ACSM3: variants seen among roughly 807,000 people sequenced by gnomAD.
ACSM3 encodes the protein acyl-coenzyme A synthetase ACSM3, mitochondrial.
ACSM3 carries 61 observed loss-of-function variants against 74.1 expected under a neutral mutation model. The ratio of observed to expected loss-of-function variants is 0.82; its 90% CI spans 0.67 to 1.02. The LOEUF (loss-of-function observed/expected upper bound fraction) is 1.02, where lower values mean the gene tolerates loss of function less well. Among genes scored for constraint, ACSM3 ranks in the 50% least tolerant of loss-of-function variants. The probability of loss-of-function intolerance (pLI) is 0.00; values close to 1 mark genes in which losing one functional copy is unlikely to be tolerated. For missense variants in ACSM3, 660 were observed against 697.0 expected, an observed-to-expected ratio of 0.95 and a Z score of 0.60; for synonymous variants, 213 against 241.5, an observed-to-expected ratio of 0.88 and a Z score of 1.09.
Position 20,770,186 on chromosome 16 carries a change from A to C in ACSM3, c.152A>C (p.Lys51Thr). Residue 51 changes from lysine to threonine, a missense_variant, in exon 2 of 14, where the codon AAA becomes ACA. By Grantham distance (78) the Lys-to-Thr change is moderately conservative. Coordinates refer to ENST00000289416, the MANE Select transcript of ACSM3 (RefSeq NM_005622.4). ...TATGAATCCATGAAACAGGACTTCA[A>C]ACTGGGGATTCCAGAGTATTTCAAC... ...SNYESMKQDF[K>T]LGIPEYFNFA... 6.2e-7 allele frequency: 1 copy of C among 1,614,224 alleles called. No individual in the cohort carries two copies. Among genetic ancestry groups the C allele is most frequent in the South Asian group, 1.1e-5 (1 of 91,088 alleles).
intron 4 of ACSM3, 127 bp from the exon 5 acceptor site, chr16:20,780,587 A>G (rs2152467644): frequency 6.3e-7 from 1 of 1,596,846 alleles, no homozygotes; most frequent in Non-Finnish European, 8.6e-7. Context: ...CTGTAATTCA[A>G]GCTAAGCCAC....
chr16:20,737,017 C>T, intron 1 of ACSM3: 1 of 1,614,132 alleles, frequency 6.2e-7, no homozygotes, highest in African/African-American at 1.3e-5. Context: ...TTCTCTGGTA[C>T]CTGCTGGTTA....
chr16:20,762,284 T>C (rs1259579126), upstream of ACSM3, among the ~76,000 whole-genome samples: 2 of 152,036 alleles, frequency 1.3e-5, no homozygotes, highest in South Asian at 2.1e-4. Context: ...AAAAAAACAC[T>C]GTTTTTTCCC....
intron 1 of ACSM3, among the ~76,000 whole-genome samples, chr16:20,701,617 C>T (rs1330561188): frequency 4.6e-5 from 7 of 152,150 alleles, no homozygotes; most frequent in Middle Eastern, 3.4e-3. Context: ...GGTGGTTTGC[C>T]GCACCTATCA....
chr16:20,737,580 TAAG>T (rs2079881488), intron 1 of ACSM3: 1 of 974,792 alleles, frequency 1.0e-6, no homozygotes, highest in Non-Finnish European at 1.4e-6. Flanking sequence ...AATACTATTT[TAAG>T]AACATTTTAA....
chr16:20,790,662 C>T lies in ACSM3; in HGVS notation c.1300C>T (p.Pro434Ser). ...DIGIQVLPNR[P>S]FGLFTHYVDN... ...TGGCATTCAAGTTCTACCCAACCGA[C>T]CATTTGGCCTTTTTACTCATTACGT... The change falls in exon 10 of 14, where the codon CCA becomes TCA. Residue 434 changes from proline (P) to serine (S), a missense_variant. By Grantham distance (74) the Pro-to-Ser change is moderately conservative (BLOSUM62 -1). Coordinates refer to ENST00000289416, the MANE Select transcript of ACSM3 (RefSeq NM_005622.4). This position sits in a 1 kb window ranked among gnomAD's most constrained non-coding sequence, Gnocchi z 4.0. 6.2e-7 allele frequency: 1 copy of T among 1,614,144 alleles called. No individual in the cohort carries two copies. The highest frequency in any genetic ancestry group is 8.5e-7 in the Non-Finnish European group (1 of 1,179,992).
intron 1 of ACSM3, among the ~76,000 whole-genome samples, chr16:20,723,441 T>C (rs1357028436): frequency 6.6e-6 from 1 of 152,210 alleles, no homozygotes; most frequent in South Asian, 2.1e-4. Flanking sequence ...TAGTTCTAGA[T>C]CCCTGAGGAA....
chr16:20,708,530 A>G (rs2079734146), intron 1 of ACSM3, among the ~76,000 whole-genome samples: 1 of 152,234 alleles, frequency 6.6e-6, no homozygotes, highest in African/African-American at 2.4e-5. Flanking sequence ...AATTCCATTT[A>G]TAAAACACTC....
In ACSM3 at chr16:20,784,952, C is replaced by T. The variant is rs761481939; in HGVS notation, c.1020-32C>T. On this transcript the variant is annotated intron_variant, in intron 7 of 13. Coordinates refer to ENST00000289416, the MANE Select transcript of ACSM3 (RefSeq NM_005622.4). ...ATCTTCACTTCTCTCCATTTTTCCT[C>T]CTAAATCTAACTTATCTGGTTTTCT... 3.8e-6 allele frequency: 6 copies of T among 1,589,406 alleles called. No individual in the cohort carries two copies. In the Admixed American group the frequency reaches 1.1e-4, roughly 30 times the overall value.
At chr16:20,729,195 C>T (rs16970587) in intron 1 of ACSM3, 105,140 of 730,862 alleles carry the variant, frequency 0.14, 8,141 homozygotes, top group Middle Eastern at 0.22. Context: ...CTGTTCTGAC[C>T]AAACTAATCC....
intron 9 of ACSM3, chr16:20,789,671 C>T: frequency 1.6e-6 from 1 of 627,712 alleles, no homozygotes; most frequent in Non-Finnish European, 2.8e-6. Context: ...TATTATAAAG[C>T]AACTCTATTT....
intron 1 of ACSM3, among the ~76,000 whole-genome samples, chr16:20,684,059 C>A (rs189302543): frequency 6.6e-6 from 1 of 152,066 alleles, no homozygotes; most frequent in Admixed American, 6.6e-5. Flanking sequence ...GAGTGCTGTA[C>A]ACATGATAAA....
At chr16:20,708,303 AAACAAC>A (rs869219405) in intron 1 of ACSM3, among the ~76,000 whole-genome samples, 1 of 151,966 alleles carries the variant, frequency 6.6e-6, no homozygotes, top group Non-Finnish European at 1.5e-5. Context: ...CCTGTCTCAA[AAACAAC>A]AACAACAACA....
chr16:20,691,379 G>A lies in ACSM3; in HGVS notation c.-190+16557G>A. ...TGGAAGGCACCCCTGATTGATTTTG[G>A]TGGGGATTTATCTTCCCAGCTGAGG... On this transcript the variant is annotated intron_variant, in intron 1 of 3. Transcript: ENST00000561584. 5.8e-6 allele frequency: 3 copies of A among 516,340 alleles called. No individual in the cohort carries two copies. The South Asian group carries it at 9.4e-5, about 16-fold the overall frequency. The allele number at this position is 516,340 out of a possible 1,614,324, so 32.0% of individuals were successfully genotyped here.
At chr16:20,756,114 A>G (rs1196096102) in intron 3 of ACSM3, among the ~76,000 whole-genome samples, 4 of 152,156 alleles carry the variant, frequency 2.6e-5, no homozygotes, top group Admixed American at 1.3e-4. Flanking sequence ...GTGTCTTTAT[A>G]GCAGCATGAT....
Position 20,780,717 on chromosome 16 carries a change from T to C in ACSM3, c.642T>C (p.His214=). 6.2e-7 allele frequency: 1 copy of C among 1,614,192 alleles called. No individual in the cohort carries two copies. Reference sequence around the variant, plus strand: ...CATTGTAGTTTTTCCTTTGCAGACATGCCAGTGACAGCCACACCTGTGTGA... The same window carrying C: ...CATTGTAGTTTTTCCTTTGCAGACACGCCAGTGACAGCCACACCTGTGTGA... ...GWGNLKELMK[H]ASDSHTCVKT... is the part of the protein sequence containing the mutation. Residue 214 remains histidine (H), a synonymous_variant, in exon 5 of 14, where the codon CAT becomes CAC. Transcript: ENST00000289416.
At chr16:20,748,140 AAAATAAAT>A (rs71149181) in intron 1 of ACSM3, among the ~76,000 whole-genome samples, 45 of 150,852 alleles carry the variant, frequency 3.0e-4, no homozygotes, top group African/African-American at 9.7e-4. Context: ...CATGTCTCAA[AAAATAAAT>A]AAATAAATAA....
intron 1 of ACSM3, chr16:20,729,113 A>G (rs1004538418): frequency 4.2e-6 from 2 of 477,138 alleles, no homozygotes; most frequent in African/African-American, 3.9e-5. Context: ...GTCTCAAAAT[A>G]TAAAATAAAT....
chr16:20,720,012 T>C (rs2079779804), intron 1 of ACSM3, among the ~76,000 whole-genome samples: 1 of 152,196 alleles, frequency 6.6e-6, no homozygotes, highest in Non-Finnish European at 1.5e-5. Flanking sequence ...TACATATTAT[T>C]ACATACAAAC....
Sources: allele counts gnomAD v4.1 joint callset (sites outside exome capture counted in the v4.1 genomes callset), GRCh38; gene constraint gnomAD v4.1.1; non-coding constraint Gnocchi (gnomAD v3.1); transcripts MANE v1.5; gene names NCBI Gene and HGNC (gene_info 2026-07-23, HGNC 2026-07-21).